CNTN5: variants seen among roughly 807,000 people sequenced by gnomAD.
CNTN5 encodes contactin-5.
CNTN5 carries 77 observed loss-of-function variants against 129.1 expected under a neutral mutation model. The ratio of observed to expected loss-of-function variants is 0.60; its 90% CI spans 0.50 to 0.72. CNTN5 has a LOEUF of 0.72. Ranked by LOEUF, CNTN5 falls within the 30% of genes least tolerant of loss-of-function variation. The pLI is 0.00. For missense variants in CNTN5, 1,478 were observed against 1,328.8 expected (o/e 1.11, Z -1.75); for synonymous variants, 509 against 465.6 (o/e 1.09, Z -1.20).
At chr11:99,831,254 A>G (rs1947129638) in intron 4 of CNTN5, among the ~76,000 whole-genome samples, 1 of 152,204 alleles carries the variant, frequency 6.6e-6, no homozygotes, top group African/African-American at 2.4e-5. Flanking sequence ...GGATTCAGCA[A>G]ACTCTTGGAA....
chr11:100,255,529 C>A (rs1053242019), intron 16 of CNTN5, among the ~76,000 whole-genome samples: 3 of 152,144 alleles, frequency 2.0e-5, no homozygotes, highest in African/African-American at 7.2e-5. Context: ...TAATTGGTAA[C>A]TGCCTCTGGG....
intron 3 of CNTN5, among the ~76,000 whole-genome samples, chr11:99,734,403 C>T (rs1339095392): frequency 6.6e-6 from 1 of 152,044 alleles, no homozygotes; most frequent in African/African-American, 2.4e-5. Flanking sequence ...CTCAGAGGTA[C>T]CTGGCCATGT....
rs572415523 is a variant in CNTN5, at chr11:99,216,479, T to A, written c.-209-108867T>A. On this transcript the variant is annotated intron_variant, in intron 1 of 24. Coordinates refer to ENST00000524871, the MANE Select transcript of CNTN5 (RefSeq NM_014361.4). ...TAAGCCTGGGAGTGCCGATATCTCT[T>A]AGATACATTCGTTGCTTTTCTTTTG... Among the ~76,000 whole-genome samples the A allele has an allele frequency of 2.0e-5, 3 of 152,292 alleles. No homozygotes were observed. The South Asian group carries it at 6.2e-4, about 32-fold the overall frequency.
chr11:100,093,218 C>A (rs972509872), intron 13 of CNTN5, among the ~76,000 whole-genome samples: 14 of 152,048 alleles, frequency 9.2e-5, no homozygotes, highest in African/African-American at 3.4e-4. Flanking sequence ...CCTGTTTTCT[C>A]TCGGGTGTTC....
chr11:99,735,871 C>G (rs1302175089), intron 3 of CNTN5, among the ~76,000 whole-genome samples: 1 of 152,132 alleles, frequency 6.6e-6, no homozygotes, highest in South Asian at 2.1e-4. Flanking sequence ...CGTTGCTGTA[C>G]TTTAGATTTC....
intron 1 of CNTN5, among the ~76,000 whole-genome samples, chr11:99,072,721 T>G (rs1865389144): frequency 6.6e-6 from 1 of 152,130 alleles, no homozygotes; most frequent in South Asian, 2.1e-4. Context: ...CTATGCTTTT[T>G]AAAAAATTGA....
chr11:100,319,920 G>A (rs918092764), intron 21 of CNTN5, among the ~76,000 whole-genome samples: 6 of 152,068 alleles, frequency 3.9e-5, no homozygotes, highest in South Asian at 2.1e-4. Context: ...ATAGAATTTC[G>A]CTGTGTCTAT....
chr11:100,039,005 G>T (rs532499368), intron 9 of CNTN5, among the ~76,000 whole-genome samples: 20 of 152,238 alleles, frequency 1.3e-4, no homozygotes, highest in African/African-American at 4.3e-4. Flanking sequence ...ATTTGATCCT[G>T]TCATTATGGT....
chr11:99,508,139 C>G (rs1235742149), intron 2 of CNTN5, among the ~76,000 whole-genome samples: 1 of 152,072 alleles, frequency 6.6e-6, no homozygotes, highest in African/African-American at 2.4e-5. Flanking sequence ...TGTCATCCTG[C>G]TGAAGAAAGA....
At chr11:99,354,714 C>A (rs1938522827) in intron 2 of CNTN5, among the ~76,000 whole-genome samples, 2 of 152,146 alleles carry the variant, frequency 1.3e-5, no homozygotes, top group African/African-American at 4.8e-5. Flanking sequence ...AAAATCACCA[C>A]CTAACTGGCC....
intron 6 of CNTN5, among the ~76,000 whole-genome samples, chr11:99,909,755 G>C (rs1949606503): frequency 6.6e-6 from 1 of 151,416 alleles, no homozygotes; most frequent in Non-Finnish European, 1.5e-5. Flanking sequence ...GGTGGGAATT[G>C]AACAATGAGA....
chr11:99,847,178 C>A (rs529774587), intron 6 of CNTN5, among the ~76,000 whole-genome samples: 1 of 152,296 alleles, frequency 6.6e-6, no homozygotes, highest in East Asian at 1.9e-4. Context: ...TTGTTTTTCC[C>A]TTTGTGGAAG....
rs182125555 is a variant in CNTN5 at position 99,409,094 on chromosome 11, G to T, written c.-71+83610G>T. 2.2e-3 allele frequency among the ~76,000 whole-genome samples: 330 copies of T among 152,230 alleles called. 1 individual carries two copies. The highest frequency in any genetic ancestry group is 7.9e-3 in the African/African-American group (326 of 41,524). ...TCTAATTATGTGGCCATTCTTACTT[G>T]TTGAAATAATGTAGTTGATATTTCT... On this transcript the variant is annotated intron_variant, in intron 2 of 24. Coordinates refer to ENST00000524871, the MANE Select transcript of CNTN5 (RefSeq NM_014361.4).
At position 99,873,097 on chromosome 11, in the gene CNTN5, C is replaced by T; in HGVS notation, c.577+27835C>T. 8.2e-3 allele frequency among the ~76,000 whole-genome samples: 2 copies of T among 244 alleles called. 1 individual carries two copies. Among genetic ancestry groups the T allele is most frequent in the Admixed American group, 0.067 (2 of 30 alleles). 0.2% of individuals were successfully genotyped at this position (244 alleles called of 152,430 possible). ...TTACAAACACTTTTGTAACTGCCAC[C>T]CAGGCAGGAGCTAGAATTTCGGCGA... On this transcript the variant is annotated intron_variant, in intron 6 of 24. Coordinates refer to ENST00000524871, the MANE Select transcript of CNTN5 (RefSeq NM_014361.4).
intron 1 of CNTN5, among the ~76,000 whole-genome samples, chr11:99,294,325 G>C (rs1043378344): frequency 6.6e-6 from 1 of 152,138 alleles, no homozygotes; most frequent in Non-Finnish European, 1.5e-5. Flanking sequence ...TGAAGGTGCA[G>C]TATACTAACT....
At chr11:99,374,037 A>C (rs1940001312) in intron 2 of CNTN5, among the ~76,000 whole-genome samples, 1 of 152,188 alleles carries the variant, frequency 6.6e-6, no homozygotes, top group Non-Finnish European at 1.5e-5. Context: ...AAAAAGTAAT[A>C]TTTGAGGAAG....
intron 13 of CNTN5, among the ~76,000 whole-genome samples, chr11:100,103,370 G>A (rs771900777): frequency 6.6e-6 from 1 of 152,046 alleles, no homozygotes; most frequent in Non-Finnish European, 1.5e-5. Context: ...TCACGCGTGG[G>A]TACTTTCTGA....
At chr11:99,530,429 A>C (rs1947653972) in intron 2 of CNTN5, among the ~76,000 whole-genome samples, 1 of 152,072 alleles carries the variant, frequency 6.6e-6, no homozygotes, top group Non-Finnish European at 1.5e-5. Context: ...AATAACAAAC[A>C]CTTATTGAAG....
At chr11:100,107,999 T>C (rs1945511924) in intron 13 of CNTN5, among the ~76,000 whole-genome samples, 1 of 151,738 alleles carries the variant, frequency 6.6e-6, no homozygotes, top group Admixed American at 6.6e-5. Context: ...TTTTTTTTTT[T>C]TTTGTAAAGA....
Sources: allele counts gnomAD v4.1 joint callset (sites outside exome capture counted in the v4.1 genomes callset), GRCh38; gene constraint gnomAD v4.1.1; transcripts MANE v1.5; gene names NCBI Gene and HGNC (gene_info 2026-07-23, HGNC 2026-07-21).